KLHDC3: variants seen among roughly 807,000 people sequenced by gnomAD.
KLHDC3 encodes the protein kelch domain-containing protein 3.
Under a neutral mutation model 44.1 loss-of-function variants are expected in KLHDC3, and 5 were observed. That is an observed-to-expected ratio of 0.11 (90% CI 0.06 to 0.24). The LOEUF (loss-of-function observed/expected upper bound fraction) is 0.24. Ranked by LOEUF, KLHDC3 falls within the 10% of genes least tolerant of loss-of-function variation. KLHDC3 has a pLI of 1.00. For synonymous variants in KLHDC3, 170 were observed against 189.0 expected, an observed-to-expected ratio of 0.90 and a Z score of 0.82; for missense variants, 247 against 514.3, an observed-to-expected ratio of 0.48 and a Z score of 5.03.
At chr6:43,016,976 G>C (rs1762593121) in intron 1 of KLHDC3, 158 bp from the exon 2 acceptor site, 2 of 600,230 alleles carry the variant, frequency 3.3e-6, no homozygotes, top group African/African-American at 3.7e-5. Flanking sequence ...CCTTGGGGCA[G>C]GGCCAGCCAC....
At position 43,014,387 on chromosome 6, in the gene KLHDC3, G is replaced by A. The variant is rs1179662948; in HGVS notation, c.-60+39G>A. 4.5e-5 allele frequency: 28 copies of A among 623,332 alleles called. No individual in the cohort carries two copies. In the Admixed American group the frequency reaches 6.1e-4, roughly 14 times the overall value. The allele number at this position is 623,332 out of a possible 1,614,324, so 38.6% of individuals were successfully genotyped here. On this transcript the variant is annotated intron_variant, in intron 1 of 10. Coordinates refer to ENST00000326974, the MANE Select transcript of KLHDC3 (RefSeq NM_057161.4). ...GGTAGAAGGGCAAGGGAGAATTAGG[G>A]GGCTTAGGACGTGCTGTCTGGAGCT...
Position 43,021,034 on chromosome 6 carries a change from G to T in KLHDC3, c.*301G>T. The T allele has an allele frequency of 1.8e-6, 1 of 558,630 alleles. No homozygotes were observed. Among genetic ancestry groups the T allele is most frequent in the Non-Finnish European group, 3.4e-6 (1 of 293,352 alleles). 34.6% of individuals were successfully genotyped at this position (558,630 alleles called of 1,614,324 possible). On this transcript the variant is annotated 3_prime_UTR_variant, in exon 11 of 11. Coordinates refer to ENST00000326974, the MANE Select transcript of KLHDC3 (RefSeq NM_057161.4). ...CAGCCAGGTTCTGCTGGGAAGGGAA[G>T]GGAATGGGGAGAAGGGAGAAGCAAG...
chr6:43,017,735 T>C lies in KLHDC3; in HGVS notation c.331+40T>C. 6.2e-7 allele frequency: 1 copy of C among 1,602,964 alleles called. No homozygotes were observed. The highest frequency in any genetic ancestry group is 8.5e-7 in the Non-Finnish European group (1 of 1,172,112). ...CAGAGAGGCTATGTCCTTCCAGATG[T>C]TGCCTCAGTTGCCCAAGAAAGGTTT... On this transcript the variant is annotated intron_variant, in intron 3 of 10. Coordinates refer to ENST00000326974, the MANE Select transcript of KLHDC3 (RefSeq NM_057161.4). This position sits in a 1 kb window ranked among gnomAD's most constrained non-coding sequence, Gnocchi z 6.0.
At position 43,018,225 on chromosome 6, in the gene KLHDC3, TTTC is replaced by T. The variant is rs1030932075; in HGVS notation, c.519+12_519+14del. ...CTCTTATCTGTACAAAGGTCTGCTC[TTTC>T]TTTTTTTTCCCAAATCCCCACCCTC... On this transcript the variant is annotated intron_variant, in intron 5 of 10. Transcript: ENST00000326974. This position sits in a 1 kb window ranked among gnomAD's most constrained non-coding sequence, Gnocchi z 6.0. 6.2e-7 allele frequency: 1 copy of T among 1,602,254 alleles called. No individual in the cohort carries two copies. Among genetic ancestry groups the T allele is most frequent in the Non-Finnish European group, 8.6e-7 (1 of 1,169,500 alleles).
At chr6:43,015,874 G>C (rs1238638712) in intron 1 of KLHDC3, among the ~76,000 whole-genome samples, 60 of 117,922 alleles carry the variant, frequency 5.1e-4, no homozygotes, top group Admixed American at 1.2e-3. Flanking sequence ...AAAAAAAAAA[G>C]ACCATGACTT....
At position 43,020,819 on chromosome 6, in the gene KLHDC3, C is replaced by G. The variant is rs1246705568; in HGVS notation, c.*86C>G. On this transcript the variant is annotated 3_prime_UTR_variant, in exon 11 of 11. Transcript: ENST00000326974. ...CTGTCACCCACCTGCTCCTTTGACC[C>G]CTGGACTTGGTATACCTCCATGTGG... The G allele has an allele frequency of 2.8e-6, 3 of 1,055,346 alleles. No individual in the cohort carries two copies. The highest frequency in any genetic ancestry group is 3.4e-5 in the Admixed American group (2 of 58,134). The allele number at this position is 1,055,346 out of a possible 1,614,324, so 65.4% of individuals were successfully genotyped here. A position where few individuals can be genotyped will look rare whatever the true frequency, so the allele number is the denominator to read the frequency against.
chr6:43,018,797 G>A lies in KLHDC3; in HGVS notation c.821-66G>A. 2 of 1,551,330 alleles carry A rather than the reference G, an allele frequency of 1.3e-6. No individual in the cohort carries two copies. The highest frequency in any genetic ancestry group is 2.2e-5 in the South Asian group (2 of 89,814). ...AAAGAAAATAATCCTGAGGCGGTGA[G>A]GGATGGGGGTGGGGAAGATACCTGG... On this transcript the variant is annotated intron_variant, in intron 7 of 10. Transcript: ENST00000326974. The surrounding 1 kb of genome is among the most constrained non-coding windows in gnomAD (Gnocchi z 6.0).
Position 43,017,987 on chromosome 6 carries a change from T to C in KLHDC3, c.447+19T>C. On this transcript the variant is annotated intron_variant, in intron 4 of 10. Coordinates refer to ENST00000326974, the MANE Select transcript of KLHDC3 (RefSeq NM_057161.4). The surrounding 1 kb of genome is among the most constrained non-coding windows in gnomAD (Gnocchi z 6.0). Reference sequence around the variant, plus strand: ...GCAGCAGGTAGGTCTGGGAATAAAATAAGAGGTTTAGGGTGGGACTGAGAA... The same window carrying C: ...GCAGCAGGTAGGTCTGGGAATAAAACAAGAGGTTTAGGGTGGGACTGAGAA... The C allele has an allele frequency of 6.3e-7, 1 of 1,593,578 alleles. No individual in the cohort carries two copies. Among genetic ancestry groups the C allele is most frequent in the Non-Finnish European group, 8.6e-7 (1 of 1,161,464 alleles).
Position 43,017,311 on chromosome 6 carries a change from C to T in KLHDC3, c.119C>T (p.Thr40Ile). Residue 40 changes from threonine (T) to isoleucine (I), a missense_variant, in exon 2 of 11, where the codon ACA becomes ATA. Thr to Ile is a moderately conservative substitution (Grantham distance 89, BLOSUM62 -1). Transcript: ENST00000326974. The surrounding 1 kb of genome is among the most constrained non-coding windows in gnomAD (Gnocchi z 6.0). Reference protein sequence around the residue: ...GGYCSGEDYETLRQIDVHIFN... With the variant: ...GGYCSGEDYEILRQIDVHIFN... ...TACTGCTCTGGTGAAGACTATGAGA[C>T]ACTGCGTCAGATAGATGTGCACATT... The T allele has an allele frequency of 6.2e-7, 1 of 1,614,064 alleles. No homozygotes were observed. Among genetic ancestry groups the T allele is most frequent in the Non-Finnish European group, 8.5e-7 (1 of 1,179,950 alleles).
intron 1 of KLHDC3, among the ~76,000 whole-genome samples, chr6:43,016,169 G>A (rs922752817): frequency 2.0e-5 from 3 of 152,052 alleles, no homozygotes; most frequent in South Asian, 2.1e-4. Flanking sequence ...TCTTGATCTC[G>A]TGATCCACCT....
At chr6:43,019,041 G>A (rs1376372167) in intron 8 of KLHDC3, 51 bp from the exon 9 acceptor site, 2 of 1,573,260 alleles carry the variant, frequency 1.3e-6, no homozygotes, top group South Asian at 2.2e-5. Flanking sequence ...TGAAAAGGGG[G>A]TTTCGTGGGT....
At chr6:43,019,730 C>T (rs1762648799) in intron 10 of KLHDC3, among the ~76,000 whole-genome samples, 1 of 152,136 alleles carries the variant, frequency 6.6e-6, no homozygotes, top group Non-Finnish European at 1.5e-5. Context: ...TGGCTGCTTC[C>T]CTTTGAATTT....
chr6:43,018,912 C>T lies in KLHDC3; in HGVS notation c.870C>T (p.Pro290=). The change falls in exon 8 of 11, where the codon CCC becomes CCT. Residue 290 remains proline, a synonymous_variant. Coordinates refer to ENST00000326974, the MANE Select transcript of KLHDC3 (RefSeq NM_057161.4). The surrounding 1 kb of genome is among the most constrained non-coding windows in gnomAD (Gnocchi z 6.0). ...AACCGAAGGGGAAGGGGCCATGTCCCCGCCGGCGCCAGTGCTGCTGTATTG... is the reference window on the plus strand; with the variant it reads ...AACCGAAGGGGAAGGGGCCATGTCCTCGCCGGCGCCAGTGCTGCTGTATTG... ...KIEPKGKGPC[P]RRRQCCCIVG... 6.2e-7 allele frequency: 1 copy of T among 1,612,888 alleles called. No individual in the cohort carries two copies. The highest frequency in any genetic ancestry group is 1.1e-5 in the South Asian group (1 of 91,008).
Position 43,018,571 on chromosome 6 carries a change from C to G in KLHDC3, c.733+15C>G. Reference sequence around the variant, plus strand: ...CCACTCGGCCTGTGAGTGTTTGTTACTTCCCTGTGGAGTTCCCTTCCTGCC... The same window carrying G: ...CCACTCGGCCTGTGAGTGTTTGTTAGTTCCCTGTGGAGTTCCCTTCCTGCC... On this transcript the variant is annotated intron_variant, in intron 6 of 10. Coordinates refer to ENST00000326974, the MANE Select transcript of KLHDC3 (RefSeq NM_057161.4). The surrounding 1 kb of genome is among the most constrained non-coding windows in gnomAD (Gnocchi z 6.0). 6.2e-7 allele frequency: 1 copy of G among 1,613,606 alleles called. No homozygotes were observed. Among genetic ancestry groups the G allele is most frequent in the Non-Finnish European group, 8.5e-7 (1 of 1,179,566 alleles).
In KLHDC3 at chr6:43,017,667, C is replaced by G. The variant is rs757829665; in HGVS notation, c.303C>G (p.Ala101=). Residue 101 remains alanine, a synonymous_variant, in exon 3 of 11, where the codon GCC becomes GCG. Transcript: ENST00000326974. This position sits in a 1 kb window ranked among gnomAD's most constrained non-coding sequence, Gnocchi z 6.0. The part of the protein sequence containing the change: ...LWGGRNDTEG[A]CNVLYAFDVN... ...GCGGGCGGAATGACACCGAAGGGGC[C>G]TGCAATGTGCTCTATGCCTTTGACG... The G allele has an allele frequency of 2.1e-5, 34 of 1,613,162 alleles. No individual in the cohort carries two copies. The highest frequency in any genetic ancestry group is 2.9e-5 in the Non-Finnish European group (34 of 1,179,608).
chr6:43,017,541 GC>G lies in KLHDC3; in HGVS notation c.182del (p.Pro61ArgfsTer2). 6.2e-7 allele frequency: 1 copy of G among 1,605,182 alleles called. No homozygotes were observed. The highest frequency in any genetic ancestry group is 8.5e-7 in the Non-Finnish European group (1 of 1,174,692). On this transcript the variant is annotated frameshift_variant, in exon 3 of 11. Coordinates refer to ENST00000326974, the MANE Select transcript of KLHDC3 (RefSeq NM_057161.4). LOFTEE classifies it high-confidence loss of function. This position sits in a 1 kb window ranked among gnomAD's most constrained non-coding sequence, Gnocchi z 6.0. Reference sequence around the variant, plus strand: ...CAGTGTCCTTGCGTTGGACAAAGCTGCCCCCGGTGAAGTCTGCCATCCGTGG... The same window carrying G: ...CAGTGTCCTTGCGTTGGACAAAGCTGCCCCGGTGAAGTCTGCCATCCGTGG... The part of the protein sequence containing the change: ...NAVSLRWTKL[P>X]PVKSAIRGQA...
Position 43,019,143 on chromosome 6 carries a change from T to C in KLHDC3, c.981T>C (p.Ser327=). Residue 327 remains serine, a synonymous_variant, in exon 9 of 11, where the codon TCT becomes TCC. Transcript: ENST00000326974. ...ATGAATTTGACCTTATAGATCATTC[T>C]GACTTACACATTTTGGACTTTAGTA... ...LGDEFDLIDH[S]DLHILDFSPS... is the part of the protein sequence containing the mutation. The C allele has an allele frequency of 6.2e-7, 1 of 1,612,912 alleles. No individual in the cohort carries two copies. Among genetic ancestry groups the C allele is most frequent in the Non-Finnish European group, 8.5e-7 (1 of 1,178,812 alleles).
At position 43,018,128 on chromosome 6, in the gene KLHDC3, TTTCTC is replaced by T. The variant is rs775927894; in HGVS notation, c.448-13_448-9del. The T allele has an allele frequency of 1.9e-6, 3 of 1,590,408 alleles. No homozygotes were observed. The highest frequency in any genetic ancestry group is 2.7e-5 in the African/African-American group (2 of 74,274). ...ATTGGCTCCCTCTTTTCTTCCTCCTTTTCTCTTCCTACTCAGGCGGACTGTTTTTC... is the reference window on the plus strand; with the variant it reads ...ATTGGCTCCCTCTTTTCTTCCTCCTTTTCCTACTCAGGCGGACTGTTTTTC... On this transcript the variant is annotated splice_polypyrimidine_tract_variant and intron_variant, in intron 4 of 10. Coordinates refer to ENST00000326974, the MANE Select transcript of KLHDC3 (RefSeq NM_057161.4). The surrounding 1 kb of genome is among the most constrained non-coding windows in gnomAD (Gnocchi z 6.0).
Position 43,018,281 on chromosome 6 carries a change from C to T in KLHDC3, c.520-62C>T. 6.3e-7 allele frequency: 1 copy of T among 1,579,858 alleles called. No individual in the cohort carries two copies. On this transcript the variant is annotated intron_variant, in intron 5 of 10. Coordinates refer to ENST00000326974, the MANE Select transcript of KLHDC3 (RefSeq NM_057161.4). This position sits in a 1 kb window ranked among gnomAD's most constrained non-coding sequence, Gnocchi z 6.0. ...TTGAAGCAATGATAGGAAGCTCAGTCAGAGGAGATCCTCTTCCAGTCTTTG... is the reference window on the plus strand; with the variant it reads ...TTGAAGCAATGATAGGAAGCTCAGTTAGAGGAGATCCTCTTCCAGTCTTTG...
Sources: allele counts gnomAD v4.1 joint callset (sites outside exome capture counted in the v4.1 genomes callset), GRCh38; gene constraint gnomAD v4.1.1; non-coding constraint Gnocchi (gnomAD v3.1); transcripts MANE v1.5; gene names NCBI Gene and HGNC (gene_info 2026-07-23, HGNC 2026-07-21).